The following MATCAP1 variants were observed in gnomAD, a reference collection of about 807,000 sequenced individuals.
The protein encoded by MATCAP1 is microtubule associated tyrosine carboxypeptidase 1, also known as microtubule-associated tyrosine carboxypeptidase 1.
the MATCAP1 span, chr16:67,180,430 G>A: frequency 1.9e-6 from 3 of 1,611,926 alleles, no homozygotes; most frequent in African/African-American, 4.0e-5. Context: ...TGCTGCTCAG[G>A]CTGGGGCTGC....
the MATCAP1 span, chr16:67,179,255 G>C: frequency 6.9e-7 from 1 of 1,450,106 alleles, no homozygotes; most frequent in African/African-American, 1.4e-5. This position sits in a 1 kb window ranked among gnomAD's most constrained non-coding sequence, Gnocchi z 5.2. Flanking sequence ...GCATGTTCTG[G>C]CCTACCTCTG....
At chr16:67,180,736 C>G in the MATCAP1 span, 1 of 569,350 alleles carries the variant, frequency 1.8e-6, no homozygotes, top group Non-Finnish European at 2.8e-6. Flanking sequence ...AGGCCCTGTA[C>G]TCCACATTGC....
the MATCAP1 span, chr16:67,183,536 T>A: frequency 6.6e-6 from 1 of 152,214 alleles, no homozygotes; most frequent in Non-Finnish European, 1.5e-5. Flanking sequence ...CACCCCCGTG[T>A]ACCAAGCACC....
the MATCAP1 span, chr16:67,177,083 C>G: frequency 1.1e-6 from 1 of 902,354 alleles, no homozygotes; most frequent in East Asian, 2.9e-5. Flanking sequence ...GGACTTCTTC[C>G]TCTCCCCTCC....
chr16:67,178,540 G>C, the MATCAP1 span: 1 of 1,505,624 alleles, frequency 6.6e-7, no homozygotes, highest in African/African-American at 1.4e-5. Flanking sequence ...CGCTGGGCGG[G>C]GCGTTCGGGG....
At chr16:67,178,569 C>G in the MATCAP1 span, 3 of 1,392,876 alleles carry the variant, frequency 2.2e-6, no homozygotes, top group Non-Finnish European at 2.9e-6. Context: ...GCGAGCCCAG[C>G]CCTGGCCCTG....
the MATCAP1 span, among the ~76,000 whole-genome samples, chr16:67,182,930 A>G: frequency 6.6e-6 from 1 of 152,178 alleles, no homozygotes; most frequent in Non-Finnish European, 1.5e-5. Flanking sequence ...TTTGATAGTT[A>G]TCTGTTTTAT....
the MATCAP1 span, chr16:67,179,889 C>A: frequency 1.2e-6 from 2 of 1,614,162 alleles, no homozygotes; most frequent in South Asian, 1.1e-5. This position sits in a 1 kb window ranked among gnomAD's most constrained non-coding sequence, Gnocchi z 5.2. Flanking sequence ...AGCAGCTGCC[C>A]CCCAGTGGCA....
At chr16:67,178,322 G>C in the MATCAP1 span, 2 of 1,582,070 alleles carry the variant, frequency 1.3e-6, no homozygotes, top group Non-Finnish European at 1.7e-6. Context: ...CGCGCGGCGC[G>C]GTGGATGGTG....
At chr16:67,179,625 A>C in the MATCAP1 span, 1 of 1,520,544 alleles carries the variant, frequency 6.6e-7, no homozygotes, top group Non-Finnish European at 9.1e-7. The surrounding 1 kb of genome is among the most constrained non-coding windows in gnomAD (Gnocchi z 5.2). Context: ...GGTGGACCCA[A>C]TGATGCCACA....
At chr16:67,176,557 T>C in the MATCAP1 span, 3 of 390,044 alleles carry the variant, frequency 7.7e-6, no homozygotes, top group African/African-American at 6.2e-5. This position sits in a 1 kb window ranked among gnomAD's most constrained non-coding sequence, Gnocchi z 4.3. Context: ...GCCTTCCCTC[T>C]GCTCAACAGA....
chr16:67,176,634 G>A, the MATCAP1 span: 27 of 536,534 alleles, frequency 5.0e-5, no homozygotes, highest in Non-Finnish European at 7.9e-5. This position sits in a 1 kb window ranked among gnomAD's most constrained non-coding sequence, Gnocchi z 4.3. Flanking sequence ...ACCCCAGGGA[G>A]GCTGGCAAGG....
At chr16:67,182,900 A>G in the MATCAP1 span, among the ~76,000 whole-genome samples, 1 of 152,220 alleles carries the variant, frequency 6.6e-6, no homozygotes, top group East Asian at 1.9e-4. Flanking sequence ...AGTACAGTTT[A>G]TATTTGTATG....
chr16:67,177,052 C>G, the MATCAP1 span: 4 of 1,327,684 alleles, frequency 3.0e-6, no homozygotes, highest in Non-Finnish European at 4.0e-6. Context: ...CCACTGCTTA[C>G]AGCTCACAGC....
the MATCAP1 span, chr16:67,176,968 T>A: frequency 6.4e-7 from 1 of 1,554,042 alleles, no homozygotes; most frequent in South Asian, 1.2e-5. The surrounding 1 kb of genome is among the most constrained non-coding windows in gnomAD (Gnocchi z 4.3). Context: ...CACATCCTCA[T>A]AGGACACCTG....
the MATCAP1 span, chr16:67,178,570 C>G: frequency 2.2e-6 from 3 of 1,392,758 alleles, no homozygotes; most frequent in Non-Finnish European, 2.9e-6. Flanking sequence ...CGAGCCCAGC[C>G]CTGGCCCTGT....
chr16:67,178,161 A>G, the MATCAP1 span: 2 of 519,466 alleles, frequency 3.9e-6, no homozygotes, highest in Admixed American at 1.0e-4. Flanking sequence ...CCCCGCCCCC[A>G]CCCCGGCTCT....
chr16:67,178,767 GCACCCACA>G, the MATCAP1 span: 1 of 618,678 alleles, frequency 1.6e-6, no homozygotes, highest in Admixed American at 2.5e-5. Context: ...CTACACCCAC[GCACCCACA>G]CACGTGCACG....
chr16:67,183,546 C>T, the MATCAP1 span: 1 of 152,308 alleles, frequency 6.6e-6, no homozygotes, highest in Non-Finnish European at 1.5e-5. Context: ...TACCAAGCAC[C>T]CAGCACTGGG....
Sources: gnomAD v4.1 joint callset for allele counts (sites outside exome capture counted in the v4.1 genomes callset) on GRCh38, gnomAD v4.1.1 for gene constraint, Gnocchi (gnomAD v3.1) non-coding constraint, MANE v1.5 for transcripts, NCBI Gene and HGNC (gene_info 2026-07-23, HGNC 2026-07-21) for gene names.